Variants in PAX5 observed in about 807,000 individuals in gnomAD.
The protein encoded by PAX5 is paired box 5.
In PAX5, 9 loss-of-function variants were observed where a neutral mutation model predicts 43.7. The observed-to-expected ratio is 0.21, with a 90% CI of 0.12 to 0.36. The LOEUF (loss-of-function observed/expected upper bound fraction) is 0.36. PAX5 is among the 10% of genes least tolerant of loss of function. PAX5 has a pLI of 1.00. For missense variants in PAX5, 383 were observed against 532.7 expected, an observed-to-expected ratio of 0.72 and a Z score of 2.77; for synonymous variants, 228 against 214.3, an observed-to-expected ratio of 1.06 and a Z score of -0.56.
In PAX5 at chr9:36,986,135, G is replaced by A. The variant is rs575657271; in HGVS notation, c.604+16513C>T. Among the ~76,000 whole-genome samples the A allele has an allele frequency of 4.6e-5, 7 of 151,924 alleles. 1 individual carries two copies. In the East Asian group the frequency reaches 9.7e-4, roughly 21 times the overall value. ...TCATCTGCTCCGCTGCCCAGCTCCC[G>A]GCTGCCGCCGCGCCCGCGCCCCCCG... On this transcript the variant is annotated intron_variant, in intron 5 of 9. Coordinates refer to ENST00000358127, the MANE Select transcript of PAX5 (RefSeq NM_016734.3).
At chr9:36,864,086 GCA>G (rs1824546358) in intron 8 of PAX5, among the ~76,000 whole-genome samples, 1 of 152,218 alleles carries the variant, frequency 6.6e-6, no homozygotes, top group Non-Finnish European at 1.5e-5. Context: ...TCCAGCCTGG[GCA>G]TCAGAGCGAG....
Position 36,966,632 on chromosome 9 carries a change from G to T in PAX5, c.697C>A (p.Gln233Lys), listed in dbSNP as rs1416375120. Residue 233 changes from glutamine to lysine, a missense_variant, in exon 6 of 10, where the codon CAG becomes AAG. Gln to Lys is a moderately conservative substitution (Grantham distance 53, BLOSUM62 1). Transcript: ENST00000358127. ...AACACGCGGTCCAGCACCTCCAGCT[G>T]CTGCTGTGTGAACAAGTCTCCCCGC... ...QMRGDLFTQQ[Q>K]LEVLDRVFER... 1.9e-6 allele frequency: 3 copies of T among 1,614,220 alleles called. No homozygotes were observed. The highest frequency in any genetic ancestry group is 1.7e-5 in the Admixed American group (1 of 60,026).
chr9:36,927,282 A>G (rs1830718531), intron 6 of PAX5, among the ~76,000 whole-genome samples: 1 of 152,112 alleles, frequency 6.6e-6, no homozygotes, highest in African/African-American at 2.4e-5. Flanking sequence ...CTTCTCTCTG[A>G]CATGGGCTGG....
intron 7 of PAX5, among the ~76,000 whole-genome samples, chr9:36,920,220 G>A (rs752059028): frequency 3.9e-5 from 6 of 152,206 alleles, no homozygotes; most frequent in Non-Finnish European, 8.8e-5. Context: ...TTAGTTGGTA[G>A]GGTAGTGGCA....
chr9:36,906,177 A>C (rs1828808327), intron 7 of PAX5, among the ~76,000 whole-genome samples: 2 of 152,176 alleles, frequency 1.3e-5, no homozygotes, highest in South Asian at 4.1e-4. Context: ...GGATGTCTAC[A>C]TCCTAATTCC....
intron 7 of PAX5, among the ~76,000 whole-genome samples, chr9:36,891,890 T>C (rs971672342): frequency 1.3e-5 from 2 of 152,200 alleles, no homozygotes; most frequent in Non-Finnish European, 1.5e-5. Flanking sequence ...GCTGTTTACT[T>C]TGCTAACCCT....
At chr9:37,033,624 A>ACG (rs1304560417) in intron 1 of PAX5, among the ~76,000 whole-genome samples, 2 of 151,994 alleles carry the variant, frequency 1.3e-5, no homozygotes, top group East Asian at 3.9e-4. Context: ...ACACACACAC[A>ACG]CACAGGCAAA....
chr9:36,900,032 C>A (rs2131852686), intron 7 of PAX5, among the ~76,000 whole-genome samples: 1 of 152,308 alleles, frequency 6.6e-6, no homozygotes, highest in Admixed American at 6.5e-5. Context: ...TTCTTTCCAG[C>A]CTTGTTACCT....
intron 6 of PAX5, among the ~76,000 whole-genome samples, chr9:36,926,027 C>A (rs770517788): frequency 6.6e-5 from 10 of 152,212 alleles, no homozygotes; most frequent in Non-Finnish European, 1.5e-4. Flanking sequence ...TTTAGCTGTA[C>A]TATCCCATTT....
chr9:36,897,489 A>AAC (rs1169953657), intron 7 of PAX5, among the ~76,000 whole-genome samples: 6 of 151,976 alleles, frequency 3.9e-5, no homozygotes, highest in East Asian at 1.9e-4. Context: ...GGTTTCTTCA[A>AAC]ACACACACAC....
chr9:36,869,847 A>AATGATGGATGGATGGATGG (rs1825258514), intron 8 of PAX5, among the ~76,000 whole-genome samples: 1 of 117,900 alleles, frequency 8.5e-6, no homozygotes, highest in African/African-American at 3.6e-5. Context: ...TGGATGGATA[A>AATGATGGATGGATGGATGG]ATGGATGGAT....
At chr9:36,966,772 G>C (rs376270169) in intron 5 of PAX5, 48 bp from the exon 6 acceptor site, 6 of 1,556,820 alleles carry the variant, frequency 3.9e-6, no homozygotes, top group Admixed American at 1.7e-5. Flanking sequence ...TATACACGTT[G>C]CTAAAGAAAG....
rs555353879 is a variant in PAX5, at chr9:36,892,621, T to A, written c.911-10516A>T. 3.3e-5 allele frequency among the ~76,000 whole-genome samples: 5 copies of A among 152,302 alleles called. No homozygotes were observed. The South Asian group carries it at 1.0e-3, about 32-fold the overall frequency. ...AGTAGGTGAATCACAGAATACAAAA[T>A]GCACGCTCCCCTGTGACCAGTCAGC... On this transcript the variant is annotated intron_variant, in intron 7 of 9. Transcript: ENST00000358127.
rs543527701 is a variant in PAX5 at position 36,833,420 on chromosome 9, G to A, written c.*7140C>T. 13 of 232,740 alleles carry A rather than the reference G, an allele frequency of 5.6e-5. No individual in the cohort carries two copies. The highest frequency in any genetic ancestry group is 1.1e-4 in the Non-Finnish European group (13 of 117,994). 14.4% of individuals were successfully genotyped at this position (232,740 alleles called of 1,614,324 possible). On this transcript the variant is annotated 3_prime_UTR_variant, in exon 10 of 10. Coordinates refer to ENST00000358127, the MANE Select transcript of PAX5 (RefSeq NM_016734.3). Reference sequence around the variant, plus strand: ...AAAGACACACAGATATTGAAACTACGCCAATCTTATTGCATGTTTCTCCAA... The same window carrying A: ...AAAGACACACAGATATTGAAACTACACCAATCTTATTGCATGTTTCTCCAA...
At chr9:36,867,145 G>A (rs1465712155) in intron 8 of PAX5, among the ~76,000 whole-genome samples, 2 of 151,768 alleles carry the variant, frequency 1.3e-5, no homozygotes, top group African/African-American at 2.4e-5. Flanking sequence ...TGTCTGGCTC[G>A]TTCCTGGGGA....
Position 37,002,745 on chromosome 9 carries a change from C to T in PAX5, c.507G>A (p.Ser169=), listed in dbSNP as rs1351596116. Residue 169 remains serine (S), a synonymous_variant, in exon 5 of 10, where the codon TCG becomes TCA. Transcript: ENST00000358127. The stretch of plus-strand genomic sequence containing the variant: ...ACGAGCCGGCCGAATCCGTGCTCAC[C>T]GAGGACACCTGCGTCACGGAGCCAG... ...VSTGSVTQVS[S]VSTDSAGSSY... 3.7e-6 allele frequency: 6 copies of T among 1,610,254 alleles called. No individual in the cohort carries two copies. The Admixed American group carries it at 6.7e-5, about 18-fold the overall frequency.
intron 7 of PAX5, among the ~76,000 whole-genome samples, chr9:36,899,721 T>C (rs1365262215): frequency 6.6e-5 from 10 of 152,046 alleles, no homozygotes; most frequent in Non-Finnish European, 1.5e-5. Flanking sequence ...CCTTACTTTT[T>C]CCCCAGTCCA....
chr9:36,845,606 C>A (rs140929096), intron 9 of PAX5, among the ~76,000 whole-genome samples: 174 of 152,232 alleles, frequency 1.1e-3, no homozygotes, highest in Admixed American at 2.1e-3. Context: ...CTTATTGAAT[C>A]CCCAAGTCAT....
At chr9:37,026,730 C>G in intron 1 of PAX5, 1 of 985,404 alleles carries the variant, frequency 1.0e-6, no homozygotes, top group Non-Finnish European at 1.2e-6. Flanking sequence ...TCAGAGCCTC[C>G]CTGCTGGAGA....
Sources: allele counts gnomAD v4.1 joint callset (sites outside exome capture counted in the v4.1 genomes callset), GRCh38; gene constraint gnomAD v4.1.1; transcripts MANE v1.5; gene names NCBI Gene and HGNC (gene_info 2026-07-23, HGNC 2026-07-21).